HS6ST3: variants seen among roughly 807,000 people sequenced by gnomAD.
The protein encoded by HS6ST3 is heparan-sulfate 6-O-sulfotransferase 3.
In HS6ST3, 12 loss-of-function variants were observed where a neutral mutation model predicts 36.7. The observed-to-expected ratio is 0.33, with a 90% CI of 0.21 to 0.53. HS6ST3 has a LOEUF of 0.53. Ranked by LOEUF, HS6ST3 falls within the 20% of genes least tolerant of loss-of-function variation. The pLI is 0.95. For missense variants in HS6ST3, 584 were observed against 640.9 expected, an observed-to-expected ratio of 0.91 and a Z score of 0.96; for synonymous variants, 240 against 257.5, an observed-to-expected ratio of 0.93 and a Z score of 0.65.
intron 1 of HS6ST3, among the ~76,000 whole-genome samples, chr13:96,246,687 C>T (rs535108781): frequency 1.8e-4 from 28 of 152,150 alleles, no homozygotes; most frequent in African/African-American, 6.7e-4. Context: ...ATCAATCTGC[C>T]CTTTCAAGCA....
intron 1 of HS6ST3, among the ~76,000 whole-genome samples, chr13:96,335,094 T>C (rs1429119582): frequency 1.3e-5 from 2 of 152,062 alleles, no homozygotes; most frequent in Non-Finnish European, 2.9e-5. Context: ...GAGGATCTTG[T>C]TGACATGAGG....
In HS6ST3 at chr13:96,222,725, G is replaced by T. The variant is rs542097758; in HGVS notation, c.707+131156G>T. ...ACAGAGAATTATTGTGTCTGCTAGT[G>T]AATTTTAAATAGTTTACACTTAGGA... On this transcript the variant is annotated intron_variant, in intron 1 of 1. Transcript: ENST00000376705. 2.8e-4 allele frequency among the ~76,000 whole-genome samples: 43 copies of T among 152,342 alleles called. No individual in the cohort carries two copies. In the South Asian group the frequency reaches 8.9e-3, roughly 32 times the overall value.
chr13:96,436,590 G>A (rs1053048405), intron 1 of HS6ST3, among the ~76,000 whole-genome samples: 1 of 152,136 alleles, frequency 6.6e-6, no homozygotes, highest in Non-Finnish European at 1.5e-5. Flanking sequence ...ATTAGAGTAA[G>A]GCCATCAGGG....
chr13:96,569,653 A>G (rs1386333111), intron 1 of HS6ST3, among the ~76,000 whole-genome samples: 3 of 152,156 alleles, frequency 2.0e-5, no homozygotes, highest in African/African-American at 7.2e-5. Flanking sequence ...TTTTCCTCTG[A>G]GTAAGTGGTA....
At chr13:96,660,744 A>C (rs1164935449) in intron 1 of HS6ST3, among the ~76,000 whole-genome samples, 1 of 152,122 alleles carries the variant, frequency 6.6e-6, no homozygotes, top group African/African-American at 2.4e-5. Context: ...ATTAAGTGGC[A>C]ACTTGATTGG....
At chr13:96,246,584 G>A (rs2054585832) in intron 1 of HS6ST3, among the ~76,000 whole-genome samples, 3 of 152,154 alleles carry the variant, frequency 2.0e-5, no homozygotes, top group Admixed American at 2.0e-4. Context: ...ATATAGACTT[G>A]ATTGAAATAT....
chr13:96,134,147 G>GT (rs964056871), intron 1 of HS6ST3, among the ~76,000 whole-genome samples: 3 of 151,802 alleles, frequency 2.0e-5, no homozygotes, highest in Non-Finnish European at 4.4e-5. Flanking sequence ...CTGTGTGTCT[G>GT]TTTTTTTGCC....
At position 96,368,512 on chromosome 13, in the gene HS6ST3, TA is replaced by T. The variant is rs371341835; in HGVS notation, c.707+276953del. Among the ~76,000 whole-genome samples, 433 of 138,626 alleles carry T rather than the reference TA, an allele frequency of 3.1e-3. 1 individual carries two copies. Among genetic ancestry groups the T allele is most frequent in the South Asian group, 4.6e-3 (19 of 4,124 alleles). 90.9% of individuals were successfully genotyped at this position (138,626 alleles called of 152,430 possible). A position where few individuals can be genotyped will look rare whatever the true frequency, so the allele number is the denominator to read the frequency against. On this transcript the variant is annotated intron_variant, in intron 1 of 1. Transcript: ENST00000376705. ...GCCTGATATTCAGAGCTTTTTTTTT[TA>T]AAAAAAAAACATAATTTTCTTCTTC...
intron 1 of HS6ST3, among the ~76,000 whole-genome samples, chr13:96,269,935 T>G (rs1176908181): frequency 1.3e-5 from 2 of 151,958 alleles, no homozygotes; most frequent in Non-Finnish European, 2.9e-5. Context: ...TGATAAACCT[T>G]GTTGGTCTCT....
chr13:96,318,574 T>C (rs540462309), intron 1 of HS6ST3, among the ~76,000 whole-genome samples: 1 of 138,822 alleles, frequency 7.2e-6, no homozygotes, highest in East Asian at 2.2e-4. Flanking sequence ...ACAAAAGAAA[T>C]AAAGGTAAAG....
At chr13:96,338,586 G>T (rs550923747) in intron 1 of HS6ST3, among the ~76,000 whole-genome samples, 1 of 152,286 alleles carries the variant, frequency 6.6e-6, no homozygotes, top group Admixed American at 6.5e-5. Flanking sequence ...TCAGTTGTTC[G>T]TATGCTGCCC....
chr13:96,661,564 A>G (rs1293544222), intron 1 of HS6ST3, among the ~76,000 whole-genome samples: 1 of 152,134 alleles, frequency 6.6e-6, no homozygotes, highest in Non-Finnish European at 1.5e-5. Flanking sequence ...GCCAGTCTGC[A>G]TCTTTTAAGT....
At chr13:96,343,776 A>G (rs905517222) in intron 1 of HS6ST3, among the ~76,000 whole-genome samples, 3 of 151,970 alleles carry the variant, frequency 2.0e-5, no homozygotes, top group Non-Finnish European at 4.4e-5. Context: ...GGAGTCTCAC[A>G]CTGTCGTCCA....
At chr13:96,337,863 A>T (rs980536924) in intron 1 of HS6ST3, among the ~76,000 whole-genome samples, 2 of 151,740 alleles carry the variant, frequency 1.3e-5, no homozygotes, top group African/African-American at 4.8e-5. Flanking sequence ...CTAACTTTTT[A>T]ACCCAGTTTC....
intron 1 of HS6ST3, among the ~76,000 whole-genome samples, chr13:96,673,697 T>A (rs768897722): frequency 1.3e-5 from 2 of 152,132 alleles, no homozygotes; most frequent in Non-Finnish European, 2.9e-5. Context: ...GTTTCTTGAA[T>A]TTTTTGTTCC....
chr13:96,576,265 C>T (rs993349779), intron 1 of HS6ST3, among the ~76,000 whole-genome samples: 24 of 152,154 alleles, frequency 1.6e-4, no homozygotes, highest in African/African-American at 5.3e-4. Context: ...GCCACAGCCC[C>T]CTCACTGCTG....
At chr13:96,625,547 T>C (rs1182921459) in intron 1 of HS6ST3, among the ~76,000 whole-genome samples, 6 of 152,178 alleles carry the variant, frequency 3.9e-5, no homozygotes, top group Non-Finnish European at 8.8e-5. Context: ...TTTTTCCAAT[T>C]AACACATTAT....
chr13:96,119,318 A>AT (rs893604283), intron 1 of HS6ST3, among the ~76,000 whole-genome samples: 4 of 152,142 alleles, frequency 2.6e-5, no homozygotes, highest in Non-Finnish European at 4.4e-5. Flanking sequence ...ACAGGAGATG[A>AT]TTTTTTTAAA....
At chr13:96,334,332 A>T (rs1444434935) in intron 1 of HS6ST3, among the ~76,000 whole-genome samples, 1 of 151,906 alleles carries the variant, frequency 6.6e-6, no homozygotes, top group East Asian at 1.9e-4. Flanking sequence ...CCCAACTCAA[A>T]CTCTATCTTG....
Sources: gnomAD v4.1 joint callset for allele counts (sites outside exome capture counted in the v4.1 genomes callset) on GRCh38, gnomAD v4.1.1 for gene constraint, MANE v1.5 for transcripts, NCBI Gene and HGNC (gene_info 2026-07-23, HGNC 2026-07-21) for gene names.